TCF7: variants seen among roughly 807,000 people sequenced by gnomAD.
TCF7 encodes transcription factor 7, also known as T-cell-factor-7.
Under a neutral mutation model 46.8 loss-of-function variants are expected in TCF7, and 19 were observed. That is an observed-to-expected ratio of 0.41 (90% CI 0.28 to 0.60). TCF7 has a LOEUF of 0.60. TCF7 is among the 20% of genes least tolerant of loss of function. TCF7 has a pLI of 0.35. For synonymous variants in TCF7, 245 were observed against 213.4 expected (o/e 1.15, Z -1.29); for missense variants, 547 against 504.6 (o/e 1.08, Z -0.81).
chr5:134,113,587 A>G (rs1370615433), upstream of TCF7, among the ~76,000 whole-genome samples: 1 of 152,208 alleles, frequency 6.6e-6, no homozygotes, highest in Non-Finnish European at 1.5e-5. Context: ...TCTACAGTGA[A>G]CCCAGCACAG....
Position 134,147,350 on chromosome 5 carries a change from C to T in TCF7, c.*1047C>T, listed in dbSNP as rs1010085171. The T allele has an allele frequency of 2.0e-5, 3 of 152,438 alleles. No individual in the cohort carries two copies. The highest frequency in any genetic ancestry group is 7.2e-5 in the African/African-American group (3 of 41,458). The allele number at this position is 152,438 out of a possible 1,614,324, so 9.4% of individuals were successfully genotyped here. A position where few individuals can be genotyped will look rare whatever the true frequency, so the allele number is the denominator to read the frequency against. On this transcript the variant is annotated 3_prime_UTR_variant, in exon 10 of 10. Transcript: ENST00000342854. ...GCCCAAATCCAGTGTGCACCCCTCC[C>T]CATTCACAGAGCCTTTTTCACAATT...
chr5:134,113,667 G>T (rs1013086076), upstream of TCF7, among the ~76,000 whole-genome samples: 2 of 152,276 alleles, frequency 1.3e-5, no homozygotes, highest in Non-Finnish European at 2.9e-5. Context: ...TAGATGCAGG[G>T]GCTGAGCCAG....
At chr5:134,121,947 T>A (rs564538638) in intron 3 of TCF7, among the ~76,000 whole-genome samples, 1 of 152,216 alleles carries the variant, frequency 6.6e-6, no homozygotes, top group South Asian at 2.1e-4. Flanking sequence ...ACAGCTGATA[T>A]GGAGTTCTGC....
intron 3 of TCF7, among the ~76,000 whole-genome samples, chr5:134,121,283 C>CAA (rs879401476): frequency 1.4e-4 from 20 of 138,084 alleles, no homozygotes; most frequent in African/African-American, 2.4e-4. Flanking sequence ...TGTTTTGTTT[C>CAA]AAAAAAAAAA....
At chr5:134,123,754 A>G (rs753622517) in intron 3 of TCF7, 4 of 456,256 alleles carry the variant, frequency 8.8e-6, no homozygotes, top group African/African-American at 4.0e-5. Flanking sequence ...TGTTGGCATC[A>G]TGGTAGGGCA....
chr5:134,114,162 AG>A (rs1171926238), upstream of TCF7, among the ~76,000 whole-genome samples: 1 of 152,180 alleles, frequency 6.6e-6, no homozygotes, highest in Non-Finnish European at 1.5e-5. Flanking sequence ...GCGGCCTAGA[AG>A]GAAGTCCCTG....
At chr5:134,123,499 G>A in intron 3 of TCF7, 1 of 345,064 alleles carries the variant, frequency 2.9e-6, no homozygotes, top group South Asian at 2.2e-5. Flanking sequence ...GGGGCAGCAG[G>A]GGAGGCTCCT....
intron 5 of TCF7, chr5:134,141,484 TA>T (rs913105968): frequency 1.3e-5 from 2 of 152,270 alleles, no homozygotes; most frequent in African/African-American, 4.8e-5. Flanking sequence ...ATAGCAAGTG[TA>T]GACATGGCAC....
At position 134,115,976 on chromosome 5, in the gene TCF7, C is replaced by T. The variant is rs549579684; in HGVS notation, c.384C>T (p.Leu128=). ...CCGTCTACTCCGCCTTCAATCTGCT[C>T]ATGCATTACCCACCCCCCTCGGGAG... ...KETVYSAFNL[L]MHYPPPSGAG... The change falls in exon 3 of 10, where the codon CTC becomes CTT. Residue 128 remains leucine (L), a synonymous_variant. Transcript: ENST00000342854. The T allele has an allele frequency of 2.3e-4, 376 of 1,614,028 alleles. 8 individuals are homozygous for T. The South Asian group carries it at 3.8e-3, about 16-fold the overall frequency.
intron 3 of TCF7, among the ~76,000 whole-genome samples, chr5:134,123,257 C>G (rs1756850666): frequency 6.6e-6 from 1 of 152,172 alleles, no homozygotes; most frequent in African/African-American, 2.4e-5. Context: ...GCCTACCCTA[C>G]CCTTGGGCCC....
At position 134,143,190 on chromosome 5, in the gene TCF7, C is replaced by T. The variant is rs1229041354; in HGVS notation, c.1026+90C>T. ...CACAATCTCAGTAAGGAACGCAGAA[C>T]TACTGTCCTGAAGGCACCGATGAGG... On this transcript the variant is annotated intron_variant, in intron 8 of 9. Coordinates refer to ENST00000342854, the MANE Select transcript of TCF7 (RefSeq NM_003202.5). The T allele has an allele frequency of 2.2e-6, 3 of 1,392,664 alleles. No individual in the cohort carries two copies. In the African/African-American group the frequency reaches 4.3e-5, roughly 20 times the overall value. The allele number at this position is 1,392,664 out of a possible 1,614,324, so 86.3% of individuals were successfully genotyped here.
intron 3 of TCF7, among the ~76,000 whole-genome samples, chr5:134,135,019 T>C (rs1425349405): frequency 6.6e-6 from 1 of 152,176 alleles, no homozygotes; most frequent in Non-Finnish European, 1.5e-5. Flanking sequence ...AGTGGCACAA[T>C]CACGGCTCAC....
intron 3 of TCF7, among the ~76,000 whole-genome samples, chr5:134,130,417 A>G (rs1028513735): frequency 6.6e-6 from 1 of 152,172 alleles, no homozygotes; most frequent in African/African-American, 2.4e-5. Context: ...TAGCAGTGCA[A>G]AGAAGGAAAG....
At chr5:134,143,232 C>T in intron 8 of TCF7, 132 bp downstream of exon 8, 1 of 944,254 alleles carries the variant, frequency 1.1e-6, no homozygotes, top group Non-Finnish European at 1.6e-6. Context: ...ACGGAGGGTC[C>T]AAGGCCTCCC....
chr5:134,125,734 C>T (rs1484794740), intron 3 of TCF7, among the ~76,000 whole-genome samples: 2 of 152,240 alleles, frequency 1.3e-5, no homozygotes, highest in African/African-American at 4.8e-5. Context: ...CTGGTGTTTA[C>T]TTGGCCACTG....
chr5:134,112,172 C>T (rs1313314152), upstream of TCF7, among the ~76,000 whole-genome samples: 2 of 152,212 alleles, frequency 1.3e-5, no homozygotes, highest in East Asian at 3.8e-4. Context: ...TCCAGGCCCA[C>T]ATGAAATCTA....
Position 134,139,145 on chromosome 5 carries a change from A to G in TCF7, c.635+107A>G, listed in dbSNP as rs909920952. 1.5e-5 allele frequency: 22 copies of G among 1,491,174 alleles called. No individual in the cohort carries two copies. In the African/African-American group the frequency reaches 2.8e-4, roughly 19 times the overall value. 92.4% of individuals were successfully genotyped at this position (1,491,174 alleles called of 1,614,324 possible). ...CCTCTTGGCTGGCCACCCTGCTGCC[A>G]GCTCTGTTTAGATGCCAGGGGCTGG... On this transcript the variant is annotated intron_variant, in intron 5 of 9. Coordinates refer to ENST00000342854, the MANE Select transcript of TCF7 (RefSeq NM_003202.5).
At chr5:134,145,980 A>G in intron 9 of TCF7, 1 of 1,474,426 alleles carries the variant, frequency 6.8e-7, no homozygotes, top group Non-Finnish European at 8.9e-7. Flanking sequence ...GACAGATGAC[A>G]GCCCATAGGC....
chr5:134,142,683 C>A (rs192596872), intron 6 of TCF7, 38 bp from the exon 7 acceptor site: 1 of 1,607,814 alleles, frequency 6.2e-7, no homozygotes, highest in South Asian at 1.1e-5. Flanking sequence ...GGTGGGCACT[C>A]GGGGGGCTCC....
Sources: gnomAD v4.1 joint callset for allele counts (sites outside exome capture counted in the v4.1 genomes callset) on GRCh38, gnomAD v4.1.1 for gene constraint, MANE v1.5 for transcripts, NCBI Gene and HGNC (gene_info 2026-07-23, HGNC 2026-07-21) for gene names.